DLC1: variants seen among roughly 807,000 people sequenced by gnomAD.
DLC1 encodes rho GTPase-activating protein 7.
A neutral mutation model predicts 140.3 loss-of-function variants in DLC1; 54 were observed. That is an observed-to-expected ratio of 0.38 (90% CI 0.31 to 0.48). The LOEUF is 0.48. Ranked by LOEUF, DLC1 falls within the 20% of genes least tolerant of loss-of-function variation. The probability of loss-of-function intolerance (pLI) is 0.96; values close to 1 mark genes in which losing one functional copy is unlikely to be tolerated. For missense variants in DLC1, 2,536 were observed against 1,907.0 expected (o/e 1.33, Z -6.14); for synonymous variants, 986 against 728.1 (o/e 1.35, Z -5.70).
intron 5 of DLC1, among the ~76,000 whole-genome samples, chr8:13,283,354 A>T (rs182257194): frequency 1.6e-3 from 238 of 152,118 alleles, no homozygotes; most frequent in African/African-American, 5.6e-3. Flanking sequence ...TTTTTTCCAG[A>T]AAATATACGA....
intron 1 of DLC1, among the ~76,000 whole-genome samples, chr8:13,601,283 C>T (rs1022487614): frequency 1.1e-4 from 17 of 151,758 alleles, no homozygotes; most frequent in African/African-American, 4.1e-4. Flanking sequence ...AGCTCTTGAG[C>T]TCAAATTCCA....
At chr8:13,537,756 C>G (rs891037194) in intron 1 of DLC1, among the ~76,000 whole-genome samples, 1 of 150,918 alleles carries the variant, frequency 6.6e-6, no homozygotes, top group Non-Finnish European at 1.5e-5. Context: ...CGGGTTCACG[C>G]CATTCTCCTG....
intron 1 of DLC1, among the ~76,000 whole-genome samples, chr8:13,565,398 G>A (rs991619707): frequency 6.6e-6 from 1 of 152,184 alleles, no homozygotes; most frequent in South Asian, 2.1e-4. Context: ...AATATTCAGA[G>A]AATGAGGCAG....
rs145445866 is a variant in DLC1, at chr8:13,108,524, A to T, written c.1502+2218T>A. On this transcript the variant is annotated intron_variant, in intron 7 of 17. Coordinates refer to ENST00000276297, the MANE Select transcript of DLC1 (RefSeq NM_182643.3). ...TCAGAGCCAGTGTAAATTGCAAAGTACAGAGGATACTTTTTTTCCCAGAAA... is the reference window on the plus strand; with the variant it reads ...TCAGAGCCAGTGTAAATTGCAAAGTTCAGAGGATACTTTTTTTCCCAGAAA... Among the ~76,000 whole-genome samples the T allele has an allele frequency of 5.0e-3, 764 of 152,356 alleles. 2 individuals carry two copies. Among genetic ancestry groups the T allele is most frequent in the Middle Eastern group, 0.01 (3 of 294 alleles).
rs377577657 is a variant in DLC1 at position 13,416,700 on chromosome 8, T to C, written c.1024-15081A>G. ...GGGTACATAGGGTTTTGTCATCTTA[T>C]ACTTTGTATATTCTAGTATAGTGAA... is the stretch of plus-strand genomic sequence containing the variant. On this transcript the variant is annotated intron_variant, in intron 2 of 17. Coordinates refer to ENST00000276297, the MANE Select transcript of DLC1 (RefSeq NM_182643.3). 2.8e-4 allele frequency among the ~76,000 whole-genome samples: 43 copies of C among 152,354 alleles called. No individual in the cohort carries two copies. The East Asian group carries it at 7.5e-3, about 27-fold the overall frequency.
chr8:13,591,614 G>A (rs1367022147), intron 1 of DLC1, among the ~76,000 whole-genome samples: 1 of 151,992 alleles, frequency 6.6e-6, no homozygotes, highest in African/African-American at 2.4e-5. Flanking sequence ...CTAATACAGG[G>A]GGATAAATAT....
chr8:13,425,172 G>A (rs62492198), intron 2 of DLC1, among the ~76,000 whole-genome samples: 36,084 of 151,598 alleles, frequency 0.24, 5,232 homozygotes, highest in East Asian at 0.33. Flanking sequence ...AAGCTCCATA[G>A]ATGCACGAGT....
chr8:13,538,531 T>C (rs992666473), intron 1 of DLC1, among the ~76,000 whole-genome samples: 1 of 152,118 alleles, frequency 6.6e-6, no homozygotes, highest in African/African-American at 2.4e-5. Flanking sequence ...GCTCGGTTCT[T>C]TGGCTTCAGA....
chr8:13,249,472 G>T (rs953291589), intron 5 of DLC1, among the ~76,000 whole-genome samples: 1 of 151,982 alleles, frequency 6.6e-6, no homozygotes, highest in Non-Finnish European at 1.5e-5. Flanking sequence ...GGCACTCCTT[G>T]TCATGGTACC....
chr8:13,153,566 C>T (rs1275261950), intron 5 of DLC1, among the ~76,000 whole-genome samples: 2 of 152,228 alleles, frequency 1.3e-5, no homozygotes, highest in Admixed American at 6.5e-5. Flanking sequence ...CACCCACATC[C>T]TGCTGATTGG....
chr8:13,210,089 A>ACT (rs1563166819), intron 5 of DLC1, among the ~76,000 whole-genome samples: 1 of 152,058 alleles, frequency 6.6e-6, no homozygotes, highest in Non-Finnish European at 1.5e-5. Context: ...TTTTTTTCTT[A>ACT]CTCTCAAATT....
intron 5 of DLC1, among the ~76,000 whole-genome samples, chr8:13,119,226 TAAAAAA>T (rs757073542): frequency 8.4e-6 from 1 of 119,712 alleles, no homozygotes; most frequent in Admixed American, 8.6e-5. Flanking sequence ...AGACCCTGTC[TAAAAAA>T]AAAAAAAAAA....
chr8:13,362,446 T>C (rs554728362), intron 4 of DLC1, among the ~76,000 whole-genome samples: 30 of 152,276 alleles, frequency 2.0e-4, no homozygotes, highest in African/African-American at 7.0e-4. Context: ...AAGTGCCCAA[T>C]AGTGGAATGA....
Position 13,091,354 on chromosome 8 carries a change from C to G in DLC1, c.3819G>C (p.Leu1273=). 1.2e-6 allele frequency: 2 copies of G among 1,614,166 alleles called. No homozygotes were observed. The highest frequency in any genetic ancestry group is 1.7e-6 in the Non-Finnish European group (2 of 1,180,040). ...TCTTGCACTCGGCGATCATATGGGC[C>G]AGCCCTTGAGTGGCAGCTAGGTTTT... ...LNENLAATQG[L]AHMIAECKKL... Residue 1273 remains leucine (L), a synonymous_variant, in exon 14 of 18, where the codon CTG becomes CTC. Transcript: ENST00000276297.
intron 5 of DLC1, among the ~76,000 whole-genome samples, chr8:13,249,964 T>C (rs946264473): frequency 6.6e-6 from 1 of 152,164 alleles, no homozygotes; most frequent in Non-Finnish European, 1.5e-5. Flanking sequence ...CCCTCCAGGA[T>C]GGCTTGGGGG....
chr8:13,216,367 A>T (rs183979040), intron 5 of DLC1, among the ~76,000 whole-genome samples: 11 of 152,286 alleles, frequency 7.2e-5, no homozygotes, highest in African/African-American at 2.6e-4. Flanking sequence ...GCCAGGTAGA[A>T]GGATCAGGTT....
intron 2 of DLC1, among the ~76,000 whole-genome samples, chr8:13,446,603 G>T (rs183600125): frequency 6.6e-6 from 1 of 151,974 alleles, no homozygotes; most frequent in African/African-American, 2.4e-5. Flanking sequence ...AGGAAGGAAC[G>T]GAGGGAAGGG....
intron 5 of DLC1, chr8:13,276,118 C>G: frequency 8.1e-7 from 1 of 1,237,782 alleles, no homozygotes; most frequent in Non-Finnish European, 1.1e-6. Context: ...AAAGGGAGAC[C>G]GAACACACTG....
intron 1 of DLC1, among the ~76,000 whole-genome samples, chr8:13,537,724 G>C (rs1003898845): frequency 6.9e-6 from 1 of 145,274 alleles, no homozygotes; most frequent in African/African-American, 2.6e-5. Context: ...CGCGATCTCG[G>C]CTCACTGCAA....
Sources: allele counts gnomAD v4.1 joint callset (sites outside exome capture counted in the v4.1 genomes callset), GRCh38; gene constraint gnomAD v4.1.1; transcripts MANE v1.5; gene names NCBI Gene and HGNC (gene_info 2026-07-23, HGNC 2026-07-21).